The following TENM2 variants were observed in gnomAD, a reference collection of about 807,000 sequenced individuals.
The protein encoded by TENM2 is teneurin-2.
In TENM2, 52 loss-of-function variants were observed where a neutral mutation model predicts 245.2. The ratio of observed to expected loss-of-function variants is 0.21; its 90% confidence interval spans 0.17 to 0.27. The LOEUF (loss-of-function observed/expected upper bound fraction) is 0.27. Among genes scored for constraint, TENM2 ranks in the 10% least tolerant of loss-of-function variants. The pLI, the probability that TENM2 is intolerant of heterozygous loss-of-function variation, is 1.00. For synonymous variants in TENM2, 1,363 were observed against 1,438.9 expected, an observed-to-expected ratio of 0.95 and a Z score of 1.19; for missense variants, 3,046 against 3,666.8, an observed-to-expected ratio of 0.83 and a Z score of 4.37.
intron 13 of TENM2, among the ~76,000 whole-genome samples, chr5:168,172,310 C>T (rs1249360324): frequency 6.6e-6 from 1 of 152,220 alleles, no homozygotes; most frequent in African/African-American, 2.4e-5. Flanking sequence ...CCAAAACAGG[C>T]AGTGTCCATG....
At chr5:167,832,836 T>A (rs2151101058) in intron 2 of TENM2, among the ~76,000 whole-genome samples, 1 of 152,002 alleles carries the variant, frequency 6.6e-6, no homozygotes, top group East Asian at 2.0e-4. Flanking sequence ...GCAATACGTC[T>A]TCTCAATTCT....
intron 1 of TENM2, among the ~76,000 whole-genome samples, chr5:167,297,823 G>C (rs953983553): frequency 6.6e-6 from 1 of 152,120 alleles, no homozygotes; most frequent in African/African-American, 2.4e-5. Context: ...CTGGTGGGCT[G>C]GAGTGGGGGT....
the TENM2 span, among the ~76,000 whole-genome samples, chr5:167,005,325 T>C: frequency 6.6e-6 from 1 of 152,300 alleles, no homozygotes; most frequent in African/African-American, 2.4e-5. Context: ...CATAGATGAA[T>C]TTCAGTAGTC....
chr5:167,928,511 C>T (rs1777934377), intron 3 of TENM2, among the ~76,000 whole-genome samples: 1 of 152,108 alleles, frequency 6.6e-6, no homozygotes, highest in Admixed American at 6.6e-5. Flanking sequence ...AATGGGAAAA[C>T]AGCACATTTA....
the TENM2 span, among the ~76,000 whole-genome samples, chr5:167,127,518 T>G: frequency 6.6e-5 from 10 of 151,064 alleles, no homozygotes; most frequent in African/African-American, 2.2e-4. Context: ...CATTAAAACA[T>G]AACCTTAAAA....
At chr5:167,010,762 TG>T in the TENM2 span, among the ~76,000 whole-genome samples, 1 of 152,218 alleles carries the variant, frequency 6.6e-6, no homozygotes, top group Admixed American at 6.5e-5. Context: ...TTGTTGTTTT[TG>T]TGGCACAAAT....
chr5:167,956,522 G>C (rs1220164084), intron 4 of TENM2, among the ~76,000 whole-genome samples: 2 of 152,146 alleles, frequency 1.3e-5, no homozygotes, highest in Admixed American at 6.5e-5. Context: ...AATAGGAGTG[G>C]TGAGAGAGGG....
At chr5:167,059,629 G>A in the TENM2 span, among the ~76,000 whole-genome samples, 1 of 138,402 alleles carries the variant, frequency 7.2e-6, no homozygotes, top group Non-Finnish European at 1.6e-5. Context: ...CTGAAAGCTG[G>A]TTACTAACAG....
At chr5:167,338,861 T>C (rs79483490) in intron 1 of TENM2, among the ~76,000 whole-genome samples, 1,957 of 152,292 alleles carry the variant, frequency 0.013, 47 homozygotes, top group African/African-American at 0.045. Flanking sequence ...CATTCACACG[T>C]GACAGAAAGA....
chr5:167,597,035 A>C (rs1003101512), intron 2 of TENM2, among the ~76,000 whole-genome samples: 2 of 152,138 alleles, frequency 1.3e-5, no homozygotes, highest in African/African-American at 4.8e-5. Context: ...TCAGTCCTTC[A>C]GTTTTCAGTC....
chr5:167,842,538 G>A (rs150957210), intron 2 of TENM2, among the ~76,000 whole-genome samples: 80 of 127,214 alleles, frequency 6.3e-4, no homozygotes, highest in Non-Finnish European at 1.1e-3. Flanking sequence ...GCAGTCAGCC[G>A]AGATCATGCC....
the TENM2 span, among the ~76,000 whole-genome samples, chr5:167,102,644 GTTTGTTTTGT>G: frequency 6.6e-6 from 1 of 152,114 alleles, no homozygotes; most frequent in African/African-American, 2.4e-5. Context: ...ACTTCACACA[GTTTGTTTTGT>G]TTTGTTTTGT....
At chr5:167,345,554 G>A (rs751589672) in intron 1 of TENM2, among the ~76,000 whole-genome samples, 13 of 152,162 alleles carry the variant, frequency 8.5e-5, no homozygotes, top group Non-Finnish European at 1.6e-4. Context: ...CTTTATGAGT[G>A]GGAGAATGAA....
chr5:167,857,043 A>G (rs1479106950), intron 2 of TENM2, among the ~76,000 whole-genome samples: 1 of 152,216 alleles, frequency 6.6e-6, no homozygotes, highest in Non-Finnish European at 1.5e-5. Context: ...ACCTAGAGCA[A>G]TGCCCTGGCC....
the TENM2 span, among the ~76,000 whole-genome samples, chr5:167,092,089 C>G: frequency 6.6e-6 from 1 of 152,236 alleles, no homozygotes; most frequent in East Asian, 1.9e-4. Flanking sequence ...TGGGAAACTA[C>G]AGCCTGTAGG....
At chr5:167,104,572 A>C in the TENM2 span, among the ~76,000 whole-genome samples, 1 of 152,244 alleles carries the variant, frequency 6.6e-6, no homozygotes, top group Non-Finnish European at 1.5e-5. Context: ...ATTGCATTTT[A>C]GCGGCTAGCG....
At chr5:168,002,597 C>T (rs973218993) in intron 5 of TENM2, among the ~76,000 whole-genome samples, 47 of 152,308 alleles carry the variant, frequency 3.1e-4, no homozygotes, top group African/African-American at 9.9e-4. Flanking sequence ...ATTTTACAAA[C>T]AGACTTCTGG....
intron 2 of TENM2, among the ~76,000 whole-genome samples, chr5:167,472,998 A>C (rs1440295792): frequency 6.6e-6 from 1 of 152,186 alleles, no homozygotes; most frequent in African/African-American, 2.4e-5. Context: ...GTGGGAATTG[A>C]AAAACTAAAA....
intron 2 of TENM2, among the ~76,000 whole-genome samples, chr5:167,603,045 T>C (rs1184995278): frequency 1.3e-5 from 2 of 152,116 alleles, no homozygotes; most frequent in Non-Finnish European, 2.9e-5. Context: ...GACACTCAGT[T>C]AGAAAAACAC....
Sources: allele counts gnomAD v4.1 joint callset (sites outside exome capture counted in the v4.1 genomes callset), GRCh38; gene constraint gnomAD v4.1.1; transcripts MANE v1.5; gene names NCBI Gene and HGNC (gene_info 2026-07-23, HGNC 2026-07-21).